RAD51B: variants seen among roughly 807,000 people sequenced by gnomAD.
RAD51B encodes the protein RAD51 paralog B.
In RAD51B, 38 loss-of-function variants were observed where a neutral mutation model predicts 42.2. That is an observed-to-expected ratio of 0.90 (90% confidence interval 0.70 to 1.18). The LOEUF (loss-of-function observed/expected upper bound fraction) is 1.18, where lower values mean the gene tolerates loss of function less well. Among genes scored for constraint, RAD51B ranks in the 50% most tolerant of loss-of-function variants. The pLI is 0.00. For missense variants in RAD51B, 373 were observed against 400.7 expected, an observed-to-expected ratio of 0.93 and a Z score of 0.59; for synonymous variants, 154 against 145.2, an observed-to-expected ratio of 1.06 and a Z score of -0.43.
At chr14:68,316,923 A>G (rs1304561041) in intron 8 of RAD51B, among the ~76,000 whole-genome samples, 1 of 152,226 alleles carries the variant, frequency 6.6e-6, no homozygotes, top group Non-Finnish European at 1.5e-5. Context: ...TCTTGTCATC[A>G]TATAATCCAG....
chr14:68,041,489 T>C (rs1484302063), intron 7 of RAD51B, among the ~76,000 whole-genome samples: 1 of 152,184 alleles, frequency 6.6e-6, no homozygotes, highest in East Asian at 1.9e-4. Context: ...TCTCCTAAAG[T>C]CATAATTTGT....
At chr14:68,415,666 C>T (rs975331319) in intron 9 of RAD51B, among the ~76,000 whole-genome samples, 1 of 152,146 alleles carries the variant, frequency 6.6e-6, no homozygotes, top group Non-Finnish European at 1.5e-5. Context: ...AGAGGAGTGG[C>T]CGAGGCCTTC....
intron 10 of RAD51B, among the ~76,000 whole-genome samples, chr14:68,564,527 G>A (rs1005395113): frequency 4.6e-5 from 7 of 152,160 alleles, no homozygotes; most frequent in East Asian, 1.9e-4. Flanking sequence ...AGGCCTGAGC[G>A]GGCAGCTGGG....
At chr14:68,323,772 A>G (rs960129086) in intron 8 of RAD51B, among the ~76,000 whole-genome samples, 2 of 152,196 alleles carry the variant, frequency 1.3e-5, no homozygotes, top group African/African-American at 4.8e-5. Context: ...TCCAGCCTGA[A>G]TGACAGAGTG....
chr14:68,483,070 GA>G (rs1883328714), downstream of RAD51B, among the ~76,000 whole-genome samples: 2 of 147,200 alleles, frequency 1.4e-5, no homozygotes, highest in African/African-American at 5.2e-5. Context: ...AAGAGAGAGA[GA>G]TTGAGCACTG....
chr14:68,128,509 G>T (rs1290981323), intron 7 of RAD51B, among the ~76,000 whole-genome samples: 1 of 152,146 alleles, frequency 6.6e-6, no homozygotes, highest in Non-Finnish European at 1.5e-5. Flanking sequence ...TGGCCAACAT[G>T]GTGAAACCCC....
At chr14:68,532,834 C>T (rs542389144) in intron 10 of RAD51B, among the ~76,000 whole-genome samples, 1 of 152,218 alleles carries the variant, frequency 6.6e-6, no homozygotes, top group African/African-American at 2.4e-5. Flanking sequence ...ACAGAGATGA[C>T]ATGTCTTAAT....
chr14:68,465,185 G>A (rs2085944061), intron 9 of RAD51B, among the ~76,000 whole-genome samples: 2 of 152,144 alleles, frequency 1.3e-5, no homozygotes, highest in Admixed American at 6.5e-5. Flanking sequence ...TTCATGTCTA[G>A]TTGCTACATA....
chr14:68,350,807 C>T (rs1265591971), intron 8 of RAD51B, among the ~76,000 whole-genome samples: 5 of 152,194 alleles, frequency 3.3e-5, no homozygotes, highest in African/African-American at 1.2e-4. Context: ...TAATATCATT[C>T]ACCATTTTAG....
chr14:68,223,559 T>G (rs1222648637), intron 7 of RAD51B, among the ~76,000 whole-genome samples: 1 of 152,236 alleles, frequency 6.6e-6, no homozygotes, highest in African/African-American at 2.4e-5. Context: ...GAATATGGAT[T>G]GAGAACTCTG....
chr14:68,176,881 T>C (rs117435981), intron 7 of RAD51B, among the ~76,000 whole-genome samples: 1 of 152,276 alleles, frequency 6.6e-6, no homozygotes, highest in Non-Finnish European at 1.5e-5. Flanking sequence ...CAAGAGTATG[T>C]ATTTCATGGG....
In RAD51B at chr14:68,584,414, T is replaced by C. The variant is rs564690649; in HGVS notation, c.1037-10071T>C. ...GGAGTCACTCAAGCAAATTCATTAA[T>C]CTTAAGGAAGCAGGAGCTATTACAA... On this transcript the variant is annotated intron_variant, in intron 10 of 10. Transcript: ENST00000487270. Among the ~76,000 whole-genome samples the C allele has an allele frequency of 3.9e-5, 6 of 152,288 alleles. No homozygotes were observed. In the East Asian group the frequency reaches 7.7e-4, roughly 20 times the overall value.
intron 9 of RAD51B, among the ~76,000 whole-genome samples, chr14:68,412,982 G>T (rs916896906): frequency 6.6e-6 from 1 of 152,058 alleles, no homozygotes; most frequent in African/African-American, 2.4e-5. Flanking sequence ...CCCACTCCTT[G>T]AAAACTTATA....
intron 10 of RAD51B, among the ~76,000 whole-genome samples, chr14:68,532,627 G>A (rs1193430655): frequency 1.3e-5 from 2 of 152,158 alleles, no homozygotes; most frequent in Non-Finnish European, 2.9e-5. Flanking sequence ...ATTGGGCATA[G>A]GTGGATTTCT....
chr14:68,402,139 A>G (rs2084123982), intron 8 of RAD51B, among the ~76,000 whole-genome samples: 1 of 152,204 alleles, frequency 6.6e-6, no homozygotes, highest in Non-Finnish European at 1.5e-5. Context: ...GTCTGAGCCT[A>G]TCCCAGTCTC....
At chr14:67,901,205 C>T (rs1039767718) in intron 7 of RAD51B, among the ~76,000 whole-genome samples, 5 of 152,148 alleles carry the variant, frequency 3.3e-5, no homozygotes, top group African/African-American at 1.2e-4. Context: ...GGGTTGACTC[C>T]ATCTTAGTTA....
intron 7 of RAD51B, among the ~76,000 whole-genome samples, chr14:68,163,041 C>T (rs1449155946): frequency 6.6e-6 from 1 of 152,160 alleles, no homozygotes; most frequent in Non-Finnish European, 1.5e-5. Context: ...CTGTCTGACT[C>T]CTTGAGACTT....
chr14:67,957,196 T>C (rs998432940), intron 7 of RAD51B, among the ~76,000 whole-genome samples: 22 of 152,162 alleles, frequency 1.4e-4, no homozygotes, highest in Admixed American at 1.3e-4. Flanking sequence ...AGGTTTCCTT[T>C]TGTAGAAAGG....
intron 10 of RAD51B, among the ~76,000 whole-genome samples, chr14:68,537,091 T>TTA (rs1469794952): frequency 6.0e-5 from 1 of 16,758 alleles, no homozygotes. Flanking sequence ...AGGTCCTGTC[T>TTA]CAAAAAAAAA....
Sources: gnomAD v4.1 joint callset for allele counts (sites outside exome capture counted in the v4.1 genomes callset) on GRCh38, gnomAD v4.1.1 for gene constraint, MANE v1.5 for transcripts, NCBI Gene and HGNC (gene_info 2026-07-23, HGNC 2026-07-21) for gene names.